AKAP9: variants seen among roughly 807,000 people sequenced by gnomAD.
AKAP9 encodes the protein A-kinase anchoring protein 9.
Under a neutral mutation model 488.5 loss-of-function variants are expected in AKAP9, and 311 were observed. The ratio of observed to expected loss-of-function variants is 0.64; its 90% CI spans 0.58 to 0.70. The LOEUF is 0.70. AKAP9 is among the 30% of genes least tolerant of loss of function. The probability of loss-of-function intolerance (pLI) is 0.00; values close to 1 mark genes in which losing one functional copy is unlikely to be tolerated. For synonymous variants in AKAP9, 1,462 were observed against 1,483.5 expected (o/e 0.99, Z 0.33); for missense variants, 4,215 against 4,374.5 (o/e 0.96, Z 1.03).
intron 46 of AKAP9, among the ~76,000 whole-genome samples, chr7:92,104,454 G>C (rs1818199124): frequency 6.6e-6 from 1 of 152,130 alleles, no homozygotes; most frequent in Non-Finnish European, 1.5e-5. Flanking sequence ...GCCTCCGAAA[G>C]TGCTGGGATT....
At chr7:92,005,571 G>T (rs1011970152) in intron 8 of AKAP9, among the ~76,000 whole-genome samples, 2 of 152,034 alleles carry the variant, frequency 1.3e-5, no homozygotes, top group Non-Finnish European at 2.9e-5. Flanking sequence ...CAAATGTCGA[G>T]ATATTTTATA....
intron 28 of AKAP9, 65 bp downstream of exon 28, chr7:92,071,074 A>G (rs891868382): frequency 7.1e-7 from 1 of 1,409,630 alleles, no homozygotes; most frequent in Non-Finnish European, 1.0e-6. Flanking sequence ...TACCTTGAAA[A>G]TATTATTTGA....
intron 33 of AKAP9, 115 bp from the exon 34 acceptor site, chr7:92,084,525 A>G: frequency 1.4e-6 from 1 of 708,640 alleles, no homozygotes; most frequent in Non-Finnish European, 2.4e-6. Context: ...TTCATTTATT[A>G]TGAAAGGTGT....
chr7:92,017,517 T>C (rs1801687484), intron 12 of AKAP9, among the ~76,000 whole-genome samples: 1 of 152,118 alleles, frequency 6.6e-6, no homozygotes, highest in South Asian at 2.1e-4. Context: ...TTTTTAAAAG[T>C]CTGTAGAAAA....
At chr7:91,944,881 A>G (rs1306851915) in intron 1 of AKAP9, among the ~76,000 whole-genome samples, 1 of 152,172 alleles carries the variant, frequency 6.6e-6, no homozygotes, top group Non-Finnish European at 1.5e-5. Context: ...ATATTGTTAG[A>G]CATTTTATAG....
chr7:92,062,288 T>A lies in AKAP9; in HGVS notation c.5779T>A (p.Tyr1927Asn). The change falls in exon 24 of 50, where the codon TAT becomes AAT. Residue 1927 changes from tyrosine to asparagine, a missense_variant. By Grantham distance (143) the Tyr-to-Asn change is moderately radical. Transcript: ENST00000356239. ...TTGTATTATAGGCGTCATTGATGGC[T>A]ATGCAGATGAAAAAACTCTTTTTGA... ...LSKAEGVIDGYADEKTLFERQ... is the reference protein window; with the variant it reads ...LSKAEGVIDGNADEKTLFERQ... 6.2e-7 allele frequency: 1 copy of A among 1,612,950 alleles called. No individual in the cohort carries two copies. Among genetic ancestry groups the A allele is most frequent in the Non-Finnish European group, 8.5e-7 (1 of 1,179,024 alleles).
intron 8 of AKAP9, among the ~76,000 whole-genome samples, chr7:92,012,154 G>A (rs543995998): frequency 9.2e-5 from 14 of 152,180 alleles, no homozygotes; most frequent in Admixed American, 2.0e-4. Flanking sequence ...ATGTCTGTAC[G>A]TTTAAAATCT....
intron 49 of AKAP9, among the ~76,000 whole-genome samples, chr7:92,109,239 C>A (rs1818995792): frequency 6.6e-6 from 1 of 152,070 alleles, no homozygotes; most frequent in Non-Finnish European, 1.5e-5. Context: ...AAACAAAAAA[C>A]AAGTCATACT....
chr7:92,001,113 G>A lies in AKAP9; in HGVS notation c.1196G>A (p.Gly399Glu). The A allele has an allele frequency of 1.2e-6, 2 of 1,613,838 alleles. No homozygotes were observed. The highest frequency in any genetic ancestry group is 1.7e-6 in the Non-Finnish European group (2 of 1,179,930). ...QSSEEIKQLM[G>E]TVEELQKRNH... ...TCTGAAGAAATAAAACAGTTAATGG[G>A]GACAGTCGAAGAACTTCAGAAGAGA... is the stretch of plus-strand genomic sequence containing the variant. The change falls in exon 8 of 50, where the codon GGG (glycine) becomes GAG (glutamate). Residue 399 changes from glycine to glutamate, a missense_variant. By Grantham distance (98) the Gly-to-Glu change is moderately conservative (BLOSUM62 -2). Coordinates refer to ENST00000356239, the MANE Select transcript of AKAP9 (RefSeq NM_005751.5).
At chr7:91,972,060 A>G (rs963665406) in intron 1 of AKAP9, among the ~76,000 whole-genome samples, 35 of 121,840 alleles carry the variant, frequency 2.9e-4, no homozygotes, top group African/African-American at 1.1e-3. Flanking sequence ...TGATGTCTTT[A>G]GCCCCAGTTT....
chr7:92,081,542 G>A (rs1488700563), intron 31 of AKAP9, among the ~76,000 whole-genome samples: 3 of 144,436 alleles, frequency 2.1e-5, no homozygotes, highest in Non-Finnish European at 3.0e-5. Context: ...TGTTAGCCAA[G>A]CTGGTCTCAA....
chr7:92,046,275 C>A, intron 21 of AKAP9, among the ~76,000 whole-genome samples: 1 of 152,158 alleles, frequency 6.6e-6, no homozygotes, highest in Non-Finnish European at 1.5e-5. Context: ...AGGATGTGGA[C>A]TCCTGGCTCA....
intron 16 of AKAP9, among the ~76,000 whole-genome samples, chr7:92,037,562 G>A (rs1805398727): frequency 6.6e-6 from 1 of 152,182 alleles, no homozygotes; most frequent in Non-Finnish European, 1.5e-5. Context: ...TCTCAAAGGT[G>A]TAGGGACTTG....
At chr7:91,967,542 G>A (rs1328670319) in intron 1 of AKAP9, among the ~76,000 whole-genome samples, 11 of 152,002 alleles carry the variant, frequency 7.2e-5, no homozygotes, top group African/African-American at 2.7e-4. Flanking sequence ...TTTTTTTTCA[G>A]CGTTAATTGA....
rs893634891 is a variant in AKAP9 at position 91,940,904 on chromosome 7, C to T, written c.-196C>T. The T allele has an allele frequency of 7.9e-6, 5 of 631,300 alleles. No individual in the cohort carries two copies. Among genetic ancestry groups the T allele is most frequent in the Non-Finnish European group, 8.5e-6 (3 of 353,836 alleles). 39.1% of individuals were successfully genotyped at this position (631,300 alleles called of 1,614,324 possible). On this transcript the variant is annotated 5_prime_UTR_variant, in exon 1 of 50. The change creates a new upstream start codon in the 5' untranslated region. Coordinates refer to ENST00000356239, the MANE Select transcript of AKAP9 (RefSeq NM_005751.5). ...AAGATGGCGGCGGCGGCGGCGGTGA[C>T]GGCGCTTCCCGTGCGGCTGAGGACG...
At chr7:91,963,392 TAAGTA>T (rs1757724493) in intron 1 of AKAP9, among the ~76,000 whole-genome samples, 1 of 151,984 alleles carries the variant, frequency 6.6e-6, no homozygotes, top group Admixed American at 6.6e-5. Flanking sequence ...ATGTCTTTAT[TAAGTA>T]AATAGTACAT....
chr7:92,079,989 A>C lies in AKAP9; in HGVS notation c.7856A>C (p.His2619Pro), dbSNP rs1813243568. ...TTAGAAAGCCAGGTTGTTGAAATGC[A>C]TACTAGTTTGATTTTAGAAAAAGAA... Reference protein sequence around the residue: ...SELESQVVEMHTSLILEKEQV... With the variant: ...SELESQVVEMPTSLILEKEQV... The change falls in exon 31 of 50, where the codon CAT becomes CCT. Residue 2619 changes from histidine to proline, a missense_variant. His to Pro is a moderately conservative substitution (Grantham distance 77, BLOSUM62 -2). Transcript: ENST00000356239. 6.4e-7 allele frequency: 1 copy of C among 1,570,142 alleles called. No individual in the cohort carries two copies. The highest frequency in any genetic ancestry group is 8.6e-7 in the Non-Finnish European group (1 of 1,166,672).
In AKAP9 at chr7:92,096,859, A is replaced by G; in HGVS notation, c.9900A>G (p.Val3300=). The G allele has an allele frequency of 6.2e-7, 1 of 1,614,196 alleles. No homozygotes were observed. Among genetic ancestry groups the G allele is most frequent in the East Asian group, 2.2e-5 (1 of 44,888 alleles). The part of the protein sequence containing the change: ...EEQGRNLELQ[V]LLESEKVRIR... ...AAGGTCGAAACTTAGAGCTTCAGGT[A>G]CTTCTTGAATCTGAGAAAGTTCGAA... Residue 3300 remains valine, a synonymous_variant, in exon 41 of 50, where the codon GTA becomes GTG. Transcript: ENST00000356239.
chr7:92,097,666 A>T lies in AKAP9; in HGVS notation c.10479A>T (p.Ser3493=). 3 of 1,614,204 alleles carry T rather than the reference A, an allele frequency of 1.9e-6. No individual in the cohort carries two copies. Among genetic ancestry groups the T allele is most frequent in the Non-Finnish European group, 2.5e-6 (3 of 1,180,020 alleles). ...AAATAGAAGGAGAAACAAAAGAATC[A>T]AACTACGCTAAATTGATTGAAATGA... ...QQKIEGETKE[S]NYAKLIEMNG... is the part of the protein sequence containing the mutation. Residue 3493 remains serine (S), a synonymous_variant, in exon 42 of 50, where the codon TCA becomes TCT. Coordinates refer to ENST00000356239, the MANE Select transcript of AKAP9 (RefSeq NM_005751.5).
Sources: gnomAD v4.1 joint callset for allele counts (sites outside exome capture counted in the v4.1 genomes callset) on GRCh38, gnomAD v4.1.1 for gene constraint, MANE v1.5 for transcripts, NCBI Gene and HGNC (gene_info 2026-07-23, HGNC 2026-07-21) for gene names.